TM9SF2: variants seen among roughly 807,000 people sequenced by gnomAD.
TM9SF2 encodes the protein transmembrane 9 superfamily member 2.
TM9SF2 carries 13 observed loss-of-function variants against 84.9 expected under a neutral mutation model. The observed-to-expected ratio is 0.15, with a 90% confidence interval of 0.10 to 0.24. TM9SF2 has a LOEUF of 0.24. Ranked by LOEUF, TM9SF2 falls within the 10% of genes least tolerant of loss-of-function variation. The pLI, the probability that TM9SF2 is intolerant of heterozygous loss-of-function variation, is 1.00. For missense variants in TM9SF2, 562 were observed against 818.5 expected, an observed-to-expected ratio of 0.69 and a Z score of 3.82; for synonymous variants, 273 against 285.8, an observed-to-expected ratio of 0.96 and a Z score of 0.45.
At chr13:99,561,535 T>G (rs563483063) in intron 16 of TM9SF2, among the ~76,000 whole-genome samples, 1 of 152,360 alleles carries the variant, frequency 6.6e-6, no homozygotes, top group South Asian at 2.1e-4. Context: ...TCCTTTTGAC[T>G]ATGCAAAAGG....
At chr13:99,562,567 C>T (rs2046348737) in intron 16 of TM9SF2, 124 bp from the exon 17 acceptor site, 27 of 753,398 alleles carry the variant, frequency 3.6e-5, no homozygotes, top group Admixed American at 1.1e-4. Flanking sequence ...TAGTATATTC[C>T]CGGTGGGTAA....
chr13:99,549,185 A>C lies in TM9SF2; in HGVS notation c.1291A>C (p.Lys431Gln). The C allele has an allele frequency of 6.2e-7, 1 of 1,613,440 alleles. No homozygotes were observed. Among genetic ancestry groups the C allele is most frequent in the Non-Finnish European group, 8.5e-7 (1 of 1,179,676 alleles). Residue 431 changes from lysine to glutamine, a missense_variant, in exon 12 of 17, where the codon AAA becomes CAA. This residue lies in a region of TM9SF2 where 219 missense variants were observed against 338.1 expected (regional missense o/e 0.65). Transcript: ENST00000376387. ...FYKSFGGEKW[K>Q]TNVLLTSFLC... Reference sequence around the variant, plus strand: ...TATAGCCTTTGGAGGTGAGAAGTGGAAAACAAATGTTTTATTAACATCATT... The same window carrying C: ...TATAGCCTTTGGAGGTGAGAAGTGGCAAACAAATGTTTTATTAACATCATT...
At chr13:99,507,980 T>TA (rs1371891875) in intron 1 of TM9SF2, among the ~76,000 whole-genome samples, 6 of 152,090 alleles carry the variant, frequency 3.9e-5, no homozygotes, top group Admixed American at 6.6e-5. Context: ...AACAAAAAAA[T>TA]AGACTAGTTG....
chr13:99,554,375 C>G lies in TM9SF2; in HGVS notation c.1560C>G (p.Pro520=). ...QIPEQSFYTK[P]LPGIIMGGIL... is the part of the protein sequence containing the mutation. ...CTGAACAGTCGTTCTACACGAAGCC[C>G]TTGCCTGGTATTATCATGGGAGGGA... Residue 520 remains proline (P), a synonymous_variant, in exon 14 of 17, where the codon CCC becomes CCG. Transcript: ENST00000376387. 1 of 1,614,190 alleles carries G rather than the reference C, an allele frequency of 6.2e-7. No individual in the cohort carries two copies. Among genetic ancestry groups the G allele is most frequent in the Non-Finnish European group, 8.5e-7 (1 of 1,180,016 alleles).
At chr13:99,545,555 ACTT>A (rs1698427046) in intron 10 of TM9SF2, among the ~76,000 whole-genome samples, 1 of 151,606 alleles carries the variant, frequency 6.6e-6, no homozygotes, top group South Asian at 2.1e-4. Context: ...TTGAAGATAA[ACTT>A]CTGCTTTCTT....
chr13:99,541,959 G>T (rs548051100), intron 9 of TM9SF2, among the ~76,000 whole-genome samples: 15 of 152,216 alleles, frequency 9.9e-5, no homozygotes, highest in African/African-American at 3.6e-4. Context: ...AGACCAGCCT[G>T]ACCAACATGG....
chr13:99,553,127 GA>G (rs1281259732), intron 13 of TM9SF2, among the ~76,000 whole-genome samples: 1 of 152,082 alleles, frequency 6.6e-6, no homozygotes, highest in Non-Finnish European at 1.5e-5. Flanking sequence ...CAGGCTAAAA[GA>G]AAAACAAAAA....
intron 1 of TM9SF2, among the ~76,000 whole-genome samples, chr13:99,503,657 C>A (rs1372523449): frequency 7.1e-6 from 1 of 141,512 alleles, no homozygotes; most frequent in Admixed American, 7.5e-5. Context: ...TTGCAGTGAG[C>A]TGAGATCGCG....
intron 4 of TM9SF2, among the ~76,000 whole-genome samples, chr13:99,531,416 G>A (rs1030688415): frequency 2.6e-5 from 4 of 152,242 alleles, no homozygotes; most frequent in East Asian, 1.9e-4. Context: ...GTTAGGAACC[G>A]TGGATCTCAG....
chr13:99,536,552 T>A, intron 4 of TM9SF2, 56 bp from the exon 5 acceptor site: 1 of 1,581,812 alleles, frequency 6.3e-7, no homozygotes, highest in Non-Finnish European at 8.6e-7. Context: ...TGGGCAGTAA[T>A]TCTTTGTCAT....
chr13:99,548,965 T>C (rs1188345304), intron 11 of TM9SF2, among the ~76,000 whole-genome samples, 200 bp from the exon 12 acceptor site: 1 of 152,194 alleles, frequency 6.6e-6, no homozygotes, highest in East Asian at 1.9e-4. Flanking sequence ...GAGCAGGACT[T>C]ACCTAGGGAA....
chr13:99,538,436 G>A (rs550321060), intron 6 of TM9SF2, among the ~76,000 whole-genome samples: 2 of 151,558 alleles, frequency 1.3e-5, no homozygotes, highest in South Asian at 2.1e-4. Context: ...TCATGCACTG[G>A]TGGTCAAGAA....
At chr13:99,547,959 C>G (rs1382906294) in intron 11 of TM9SF2, among the ~76,000 whole-genome samples, 1 of 152,118 alleles carries the variant, frequency 6.6e-6, no homozygotes, top group African/African-American at 2.4e-5. Flanking sequence ...GTATGTGAAG[C>G]CCTGTATGTA....
intron 12 of TM9SF2, 40 bp downstream of exon 12, chr13:99,549,262 A>G (rs1300411913): frequency 6.4e-7 from 1 of 1,554,790 alleles, no homozygotes; most frequent in Non-Finnish European, 8.9e-7. Flanking sequence ...TAACATAGTT[A>G]CATGTTAGTC....
chr13:99,546,700 C>G (rs1212227586), intron 10 of TM9SF2, among the ~76,000 whole-genome samples: 2 of 152,024 alleles, frequency 1.3e-5, no homozygotes, highest in African/African-American at 4.8e-5. Context: ...GTCAAATGCA[C>G]TCTTGAGCAT....
intron 14 of TM9SF2, 38 bp downstream of exon 14, chr13:99,554,493 T>C: frequency 3.8e-6 from 6 of 1,587,286 alleles, no homozygotes; most frequent in Non-Finnish European, 5.2e-6. Context: ...CTCATTACCA[T>C]TATATGTAAT....
chr13:99,535,985 T>G (rs2046232322), intron 4 of TM9SF2, among the ~76,000 whole-genome samples: 1 of 152,200 alleles, frequency 6.6e-6, no homozygotes, highest in East Asian at 1.9e-4. Flanking sequence ...TTCACAGAAT[T>G]TTTTTGTATA....
intron 12 of TM9SF2, among the ~76,000 whole-genome samples, chr13:99,549,532 C>T (rs1220776508): frequency 6.6e-6 from 1 of 152,088 alleles, no homozygotes; most frequent in African/African-American, 2.4e-5. Context: ...AGCTTTTGAG[C>T]CAGGCACAGG....
chr13:99,529,540 A>G lies in TM9SF2; in HGVS notation c.407A>G (p.Lys136Arg). ...TACCATACAGAGAAAGCTGAAGACA[A>G]ACAAAAGTTAGAATTCTTGAAAAAA... Reference protein sequence around the residue: ...KTYHTEKAEDKQKLEFLKKSM... With the variant: ...KTYHTEKAEDRQKLEFLKKSM... Residue 136 changes from lysine to arginine, a missense_variant, in exon 4 of 17, where the codon AAA becomes AGA. Lys to Arg is a conservative substitution (Grantham distance 26, BLOSUM62 2). Coordinates refer to ENST00000376387, the MANE Select transcript of TM9SF2 (RefSeq NM_004800.3). 1 of 1,593,248 alleles carries G rather than the reference A, an allele frequency of 6.3e-7. No homozygotes were observed. Among genetic ancestry groups the G allele is most frequent in the Admixed American group, 1.8e-5 (1 of 55,080 alleles).
Sources: allele counts gnomAD v4.1 joint callset (sites outside exome capture counted in the v4.1 genomes callset), GRCh38; gene constraint gnomAD v4.1.1; regional missense constraint gnomAD v4.1.1; transcripts MANE v1.5; gene names NCBI Gene and HGNC (gene_info 2026-07-23, HGNC 2026-07-21).